Variants in ADGRL2 observed in about 807,000 individuals in gnomAD.
ADGRL2 encodes the protein calcium-independent alpha-latrotoxin receptor 2.
ADGRL2 carries 44 observed loss-of-function variants against 157.4 expected under a neutral mutation model. The ratio of observed to expected loss-of-function variants is 0.28; its 90% CI spans 0.22 to 0.36. The LOEUF (loss-of-function observed/expected upper bound fraction) is 0.36, where lower values mean the gene tolerates loss of function less well. ADGRL2 is among the 10% of genes least tolerant of loss of function. ADGRL2 has a pLI of 1.00. For synonymous variants in ADGRL2, 585 were observed against 624.7 expected (o/e 0.94, Z 0.95); for missense variants, 1,510 against 1,768.9 (o/e 0.85, Z 2.63).
intron 2 of ADGRL2, among the ~76,000 whole-genome samples, chr1:81,449,847 T>C (rs1436354255): frequency 6.6e-6 from 1 of 152,126 alleles, no homozygotes; most frequent in Non-Finnish European, 1.5e-5. Flanking sequence ...CATTTCAGCC[T>C]CCCAAGGTGT....
At chr1:81,775,748 T>C (rs1461634472) in intron 2 of ADGRL2, among the ~76,000 whole-genome samples, 3 of 152,094 alleles carry the variant, frequency 2.0e-5, no homozygotes, top group South Asian at 2.1e-4. Context: ...AGCAAGCAAA[T>C]AAGCATGACA....
At chr1:81,837,326 T>C (rs1296350697) in intron 2 of ADGRL2, among the ~76,000 whole-genome samples, 1 of 151,948 alleles carries the variant, frequency 6.6e-6, no homozygotes, top group Non-Finnish European at 1.5e-5. Flanking sequence ...AAATGAAAGC[T>C]CTGTTTTGGT....
intron 2 of ADGRL2, among the ~76,000 whole-genome samples, chr1:81,480,485 C>T (rs1390880704): frequency 6.6e-6 from 1 of 152,066 alleles, no homozygotes; most frequent in African/African-American, 2.4e-5. Flanking sequence ...TAATATTTCA[C>T]ATTATAAGTT....
chr1:81,483,551 A>C (rs2078436414), intron 2 of ADGRL2, among the ~76,000 whole-genome samples: 1 of 152,162 alleles, frequency 6.6e-6, no homozygotes, highest in African/African-American at 2.4e-5. Flanking sequence ...TAAAACCCAA[A>C]ACTGCATAGG....
At chr1:81,391,009 A>T (rs1241795835) in intron 1 of ADGRL2, among the ~76,000 whole-genome samples, 1 of 152,308 alleles carries the variant, frequency 6.6e-6, no homozygotes, top group Non-Finnish European at 1.5e-5. Context: ...GAAACTTTTG[A>T]CACTTAAAGA....
At chr1:81,464,322 A>G (rs2078005216) in intron 2 of ADGRL2, among the ~76,000 whole-genome samples, 1 of 151,116 alleles carries the variant, frequency 6.6e-6, no homozygotes, top group Non-Finnish European at 1.5e-5. Context: ...CATCCCCCCA[A>G]CCCCCACCCA....
chr1:81,828,618 T>C (rs1023636861), intron 1 of ADGRL2, among the ~76,000 whole-genome samples: 1 of 152,146 alleles, frequency 6.6e-6, no homozygotes, highest in Non-Finnish European at 1.5e-5. Context: ...GTTTCTTTTT[T>C]ATTAAATGTC....
chr1:81,513,737 C>T (rs2079121444), intron 2 of ADGRL2: 1 of 152,128 alleles, frequency 6.6e-6, no homozygotes, highest in Non-Finnish European at 1.5e-5. Flanking sequence ...CCAATTGGTT[C>T]TAAACCAATT....
chr1:81,755,837 G>A (rs1217567970), intron 1 of ADGRL2, among the ~76,000 whole-genome samples: 5 of 151,986 alleles, frequency 3.3e-5, no homozygotes, highest in Admixed American at 1.3e-4. Flanking sequence ...AAGCCCAAAC[G>A]ACTCTATCTA....
chr1:81,428,343 A>T (rs1250946747), intron 1 of ADGRL2, among the ~76,000 whole-genome samples: 1 of 152,128 alleles, frequency 6.6e-6, no homozygotes, highest in Admixed American at 6.5e-5. Context: ...ATTAAAAAAA[A>T]AAAGAAAACC....
chr1:81,390,952 T>C (rs1274611146), intron 1 of ADGRL2, among the ~76,000 whole-genome samples: 1 of 152,298 alleles, frequency 6.6e-6, no homozygotes, highest in African/African-American at 2.4e-5. Flanking sequence ...AGCTGCTGCG[T>C]CATGTATTTT....
At chr1:81,411,368 C>A (rs2076942323) in intron 1 of ADGRL2, among the ~76,000 whole-genome samples, 1 of 152,100 alleles carries the variant, frequency 6.6e-6, no homozygotes, top group Admixed American at 6.5e-5. Flanking sequence ...TGAAACAAAC[C>A]TTTGGGTGAT....
intron 2 of ADGRL2, among the ~76,000 whole-genome samples, chr1:81,507,083 G>T (rs1403418466): frequency 6.6e-6 from 1 of 151,918 alleles, no homozygotes; most frequent in East Asian, 1.9e-4. Flanking sequence ...GAGTGCAATG[G>T]AGGAATTTTT....
At chr1:81,450,458 C>G (rs551270232) in intron 2 of ADGRL2, among the ~76,000 whole-genome samples, 1 of 150,090 alleles carries the variant, frequency 6.7e-6, no homozygotes, top group Non-Finnish European at 1.5e-5. Context: ...AAGAAATAGA[C>G]AGAGAAATTT....
chr1:81,465,809 A>C (rs548380961), intron 2 of ADGRL2, among the ~76,000 whole-genome samples: 180 of 152,308 alleles, frequency 1.2e-3, no homozygotes, highest in African/African-American at 3.9e-3. Flanking sequence ...ACAAAGAAAA[A>C]TGAAAATCTC....
intron 2 of ADGRL2, among the ~76,000 whole-genome samples, chr1:81,555,865 C>A (rs1032875925): frequency 3.9e-4 from 59 of 152,252 alleles, no homozygotes; most frequent in African/African-American, 1.3e-3. Flanking sequence ...TCAGAGCAAG[C>A]TTTAGCCCCT....
intron 2 of ADGRL2, among the ~76,000 whole-genome samples, chr1:81,875,186 T>C (rs892702322): frequency 6.6e-6 from 1 of 152,132 alleles, no homozygotes; most frequent in Non-Finnish European, 1.5e-5. Context: ...GTGGGTCGTT[T>C]ATAAGTAGCT....
intron 2 of ADGRL2, among the ~76,000 whole-genome samples, chr1:81,904,706 G>A (rs949463202): frequency 2.0e-5 from 3 of 152,172 alleles, no homozygotes; most frequent in African/African-American, 7.2e-5. Context: ...TCAAGGGTTC[G>A]AGACCAGCCT....
intron 1 of ADGRL2, among the ~76,000 whole-genome samples, chr1:81,815,665 A>G (rs2090326143): frequency 6.6e-6 from 1 of 151,876 alleles, no homozygotes; most frequent in Non-Finnish European, 1.5e-5. Flanking sequence ...ACATAGAATT[A>G]TAATGAACTT....
Sources: allele counts gnomAD v4.1 joint callset (sites outside exome capture counted in the v4.1 genomes callset), GRCh38; gene constraint gnomAD v4.1.1; transcripts MANE v1.5; gene names NCBI Gene and HGNC (gene_info 2026-07-23, HGNC 2026-07-21).